Variants in CDKL4 observed in about 807,000 individuals in gnomAD.
CDKL4 encodes cyclin dependent kinase like 4.
CDKL4 carries 44 observed loss-of-function variants against 42.0 expected under a neutral mutation model. That is an observed-to-expected ratio of 1.05 (90% confidence interval 0.82 to 1.35). The LOEUF is 1.35. CDKL4 is among the 40% of genes most tolerant of loss of function. CDKL4 has a pLI of 0.00. For synonymous variants in CDKL4, 120 were observed against 121.6 expected (o/e 0.99, Z 0.09); for missense variants, 393 against 369.9 (o/e 1.06, Z -0.51).
intron 2 of CDKL4, among the ~76,000 whole-genome samples, chr2:39,226,444 A>ATT (rs1423889063): frequency 7.3e-6 from 1 of 136,770 alleles, no homozygotes; most frequent in African/African-American, 2.6e-5. Flanking sequence ...AATTATATAT[A>ATT]TTATATATAT....
At chr2:39,240,554 A>G (rs1208059161) in intron 1 of CDKL4, among the ~76,000 whole-genome samples, 2 of 152,108 alleles carry the variant, frequency 1.3e-5, no homozygotes, top group South Asian at 2.1e-4. Flanking sequence ...AGAGGTCCCT[A>G]TATGGAAAAC....
chr2:39,199,318 T>A (rs1676708650), intron 5 of CDKL4, among the ~76,000 whole-genome samples: 1 of 151,868 alleles, frequency 6.6e-6, no homozygotes, highest in Admixed American at 6.6e-5. Flanking sequence ...AACAGACCAA[T>A]AAGAAGCAGC....
chr2:39,244,135 G>T (rs1573044108), upstream of CDKL4, among the ~76,000 whole-genome samples: 1 of 152,362 alleles, frequency 6.6e-6, no homozygotes, highest in African/African-American at 2.4e-5. Context: ...GCCCTCGCTC[G>T]GTCTCGACGC....
intron 6 of CDKL4, 67 bp from the exon 7 acceptor site, chr2:39,187,776 A>G: frequency 9.1e-7 from 1 of 1,104,388 alleles, no homozygotes; most frequent in Admixed American, 1.8e-5. Flanking sequence ...TTAAATGGTT[A>G]ATGCCTGAAG....
At chr2:39,202,069 T>C (rs1393776048) in intron 5 of CDKL4, among the ~76,000 whole-genome samples, 1 of 151,988 alleles carries the variant, frequency 6.6e-6, no homozygotes, top group Non-Finnish European at 1.5e-5. Flanking sequence ...TCATCTCTAC[T>C]AAAAATTTAA....
intron 3 of CDKL4, among the ~76,000 whole-genome samples, chr2:39,220,976 CTTTTTTTTTTTTTT>C (rs1157655136): frequency 4.1e-5 from 2 of 49,146 alleles, no homozygotes; most frequent in Admixed American, 3.4e-4. Flanking sequence ...CATCGACGAT[CTTTTTTTTTTTTTT>C]TTTTTTTTTT....
chr2:39,231,948 A>C (rs1416405288), intron 1 of CDKL4, among the ~76,000 whole-genome samples: 1 of 152,212 alleles, frequency 6.6e-6, no homozygotes, highest in Non-Finnish European at 1.5e-5. Flanking sequence ...TATTGGTATA[A>C]AACTTTATAG....
intron 5 of CDKL4, 134 bp downstream of exon 5, chr2:39,204,393 C>T (rs778993936): frequency 5.1e-4 from 338 of 657,498 alleles, no homozygotes; most frequent in Non-Finnish European, 7.9e-4. Flanking sequence ...GACTAAAAGG[C>T]TAAAGTGAGA....
At chr2:39,213,275 T>C in intron 4 of CDKL4, 125 bp downstream of exon 4, 1 of 609,626 alleles carries the variant, frequency 1.6e-6, no homozygotes, top group Non-Finnish European at 2.9e-6. Flanking sequence ...TGAACTTCCT[T>C]TTGTTTTGCT....
chr2:39,213,512 A>C, intron 3 of CDKL4, 40 bp from the exon 4 acceptor site: 4 of 1,392,928 alleles, frequency 2.9e-6, no homozygotes, highest in Non-Finnish European at 4.1e-6. Flanking sequence ...AACTCATAGG[A>C]TAGAGTTCCA....
intron 5 of CDKL4, among the ~76,000 whole-genome samples, chr2:39,199,218 T>C (rs1249183711): frequency 6.6e-6 from 1 of 151,940 alleles, no homozygotes; most frequent in East Asian, 1.9e-4. Context: ...TACCTTTACG[T>C]GCATAAACTA....
chr2:39,199,282 T>G (rs905000205), intron 5 of CDKL4, among the ~76,000 whole-genome samples: 1 of 151,976 alleles, frequency 6.6e-6, no homozygotes, highest in African/African-American at 2.4e-5. Context: ...TCTCCTAGAT[T>G]AAACCAGGAA....
intron 8 of CDKL4, 93 bp from the exon 9 acceptor site, chr2:39,179,414 G>T: frequency 1.9e-6 from 2 of 1,054,734 alleles, no homozygotes; most frequent in East Asian, 2.5e-5. Flanking sequence ...GGATAAATAT[G>T]AGTTTAGAAA....
chr2:39,213,242 C>T (rs1319784888), intron 4 of CDKL4, among the ~76,000 whole-genome samples, 158 bp downstream of exon 4: 1 of 152,154 alleles, frequency 6.6e-6, no homozygotes, highest in Non-Finnish European at 1.5e-5. Context: ...ACTTCAGCCT[C>T]CCAAGGTGCT....
chr2:39,214,360 C>T (rs956303898), intron 3 of CDKL4, among the ~76,000 whole-genome samples: 5 of 152,132 alleles, frequency 3.3e-5, no homozygotes, highest in African/African-American at 1.2e-4. Flanking sequence ...CACCCCTGAC[C>T]ACTTTGAGAA....
intron 5 of CDKL4, among the ~76,000 whole-genome samples, chr2:39,200,251 A>G (rs1249884172): frequency 6.6e-6 from 1 of 152,106 alleles, no homozygotes; most frequent in Non-Finnish European, 1.5e-5. Flanking sequence ...AGCTGCAAAA[A>G]AATAAAATAC....
At chr2:39,184,095 G>A (rs1163845699) in intron 8 of CDKL4, among the ~76,000 whole-genome samples, 1 of 152,136 alleles carries the variant, frequency 6.6e-6, no homozygotes, top group Non-Finnish European at 1.5e-5. Context: ...AAGTTCCCAG[G>A]CCATTCTGAT....
At chr2:39,213,100 T>C (rs1230004444) in intron 4 of CDKL4, among the ~76,000 whole-genome samples, 2 of 151,572 alleles carry the variant, frequency 1.3e-5, no homozygotes, top group Non-Finnish European at 2.9e-5. Context: ...GAAAGAGCCA[T>C]GAATAATGCA....
chr2:39,209,515 T>G (rs1189938895), intron 4 of CDKL4, among the ~76,000 whole-genome samples: 1 of 152,178 alleles, frequency 6.6e-6, no homozygotes, highest in Non-Finnish European at 1.5e-5. Context: ...TCTCCAAATT[T>G]AATGTGCACA....
Sources: gnomAD v4.1 joint callset for allele counts (sites outside exome capture counted in the v4.1 genomes callset) on GRCh38, gnomAD v4.1.1 for gene constraint, MANE v1.5 for transcripts, NCBI Gene and HGNC (gene_info 2026-07-23, HGNC 2026-07-21) for gene names.